Variants in DLG1 observed in about 807,000 individuals in gnomAD.
DLG1 encodes discs large MAGUK scaffold protein 1.
Under a neutral mutation model 123.4 loss-of-function variants are expected in DLG1, and 42 were observed. The observed-to-expected ratio is 0.34, with a 90% CI of 0.27 to 0.44. The LOEUF is 0.44. Among genes scored for constraint, DLG1 ranks in the 20% least tolerant of loss-of-function variants. The pLI is 1.00. For missense variants in DLG1, 942 were observed against 1,082.6 expected (o/e 0.87, Z 1.82); for synonymous variants, 317 against 356.2 (o/e 0.89, Z 1.24).
intron 4 of DLG1, among the ~76,000 whole-genome samples, chr3:197,277,957 T>C (rs572413929): frequency 7.9e-5 from 12 of 151,300 alleles, no homozygotes; most frequent in South Asian, 6.3e-4. Flanking sequence ...CTAGGCAACA[T>C]AGTGAGACCC....
At chr3:197,203,866 A>G (rs966429395) in intron 4 of DLG1, among the ~76,000 whole-genome samples, 2 of 152,228 alleles carry the variant, frequency 1.3e-5, no homozygotes, top group African/African-American at 2.4e-5. Context: ...TGACAACACT[A>G]TAATTAAAAT....
At chr3:197,135,102 T>A (rs1784446520) in intron 10 of DLG1, among the ~76,000 whole-genome samples, 1 of 152,222 alleles carries the variant, frequency 6.6e-6, no homozygotes, top group Non-Finnish European at 1.5e-5. Flanking sequence ...CTCTCGTTCA[T>A]TCTCTGCTTC....
chr3:197,061,150 T>C (rs75749909), intron 22 of DLG1, among the ~76,000 whole-genome samples: 5,625 of 152,270 alleles, frequency 0.037, 165 homozygotes, highest in South Asian at 0.051. Context: ...AGTCAATACA[T>C]GATAATTTCA....
rs1333191303 is a variant in DLG1 at position 197,245,902 on chromosome 3, G to GT, written c.318+36776_318+36777insA. On this transcript the variant is annotated intron_variant, in intron 4 of 24. Coordinates refer to ENST00000667157, the MANE Select transcript of DLG1 (RefSeq NM_001366207.1). The stretch of plus-strand genomic sequence containing the variant: ...CATGGACAATACTTTTTTTTTTTTG[G>GT]GGGGGGGGGAGGTGGCAAATGAAGG... Among the ~76,000 whole-genome samples the GT allele has an allele frequency of 1.5e-5, 2 of 136,660 alleles. 1 individual carries two copies. Among genetic ancestry groups the GT allele is most frequent in the Non-Finnish European group, 3.2e-5 (2 of 63,314 alleles). The allele number at this position is 136,660 out of a possible 152,430, so 89.7% of individuals were successfully genotyped here.
chr3:197,273,398 C>T (rs949399262), intron 4 of DLG1, among the ~76,000 whole-genome samples: 8 of 151,838 alleles, frequency 5.3e-5, no homozygotes, highest in Non-Finnish European at 8.8e-5. Flanking sequence ...CCACAACAAC[C>T]GGCTAATTTT....
chr3:197,184,641 A>G (rs1443020309), intron 5 of DLG1, among the ~76,000 whole-genome samples: 1 of 152,260 alleles, frequency 6.6e-6, no homozygotes, highest in Non-Finnish European at 1.5e-5. Flanking sequence ...AACCTTTATG[A>G]TAAAAAAGAA....
At chr3:197,232,942 A>T (rs922168248) in intron 4 of DLG1, among the ~76,000 whole-genome samples, 1 of 151,030 alleles carries the variant, frequency 6.6e-6, no homozygotes, top group Non-Finnish European at 1.5e-5. Context: ...ACAAAGAAGG[A>T]TTTACACTCT....
At chr3:197,056,031 T>G (rs767960475) in intron 23 of DLG1, among the ~76,000 whole-genome samples, 1 of 152,234 alleles carries the variant, frequency 6.6e-6, no homozygotes, top group Non-Finnish European at 1.5e-5. Flanking sequence ...GCTATGGGAC[T>G]GAGGGTAGAC....
At chr3:197,157,142 A>G (rs1796742108) in intron 5 of DLG1, among the ~76,000 whole-genome samples, 1 of 152,214 alleles carries the variant, frequency 6.6e-6, no homozygotes, top group Non-Finnish European at 1.5e-5. Context: ...ACTTGTACTC[A>G]ACATGACCAC....
intron 4 of DLG1, among the ~76,000 whole-genome samples, chr3:197,272,223 A>G (rs1764201673): frequency 6.6e-6 from 1 of 152,142 alleles, no homozygotes; most frequent in Non-Finnish European, 1.5e-5. Flanking sequence ...ACAGTGGCTC[A>G]CGCCTATAAA....
intron 23 of DLG1, among the ~76,000 whole-genome samples, chr3:197,054,207 G>A (rs1270584041): frequency 1.3e-5 from 2 of 152,200 alleles, no homozygotes; most frequent in African/African-American, 4.8e-5. Context: ...TGATTATAAT[G>A]TGCCGCAGTG....
intron 13 of DLG1, among the ~76,000 whole-genome samples, chr3:197,107,747 T>C (rs1767412496): frequency 6.6e-6 from 1 of 152,114 alleles, no homozygotes; most frequent in Non-Finnish European, 1.5e-5. Context: ...ATTTTTTCTA[T>C]ACAAGATTAT....
chr3:197,064,002 C>T (rs1328662901), intron 22 of DLG1, among the ~76,000 whole-genome samples: 2 of 148,076 alleles, frequency 1.4e-5, no homozygotes, highest in African/African-American at 2.5e-5. Context: ...GGTTTTGGCT[C>T]ACTGCAATCT....
At chr3:197,062,776 T>C (rs1578348870) in intron 22 of DLG1, among the ~76,000 whole-genome samples, 1 of 152,210 alleles carries the variant, frequency 6.6e-6, no homozygotes, top group East Asian at 1.9e-4. Flanking sequence ...TTAGGTCTTC[T>C]TAGTGGATAA....
chr3:197,277,202 A>C (rs995415490), intron 4 of DLG1, among the ~76,000 whole-genome samples: 1 of 147,476 alleles, frequency 6.8e-6, no homozygotes, highest in Non-Finnish European at 1.5e-5. Context: ...CCAAAATCTT[A>C]CTTTTATGGT....
chr3:197,084,881 A>T (rs566890110), intron 16 of DLG1, among the ~76,000 whole-genome samples: 1 of 151,072 alleles, frequency 6.6e-6, no homozygotes, highest in African/African-American at 2.4e-5. Context: ...CGGCCTCCTG[A>T]GTTCAAGCAA....
chr3:197,226,084 T>C (rs139272143), intron 4 of DLG1: 6 of 152,484 alleles, frequency 3.9e-5, no homozygotes, highest in African/African-American at 1.2e-4. Context: ...TTAAAAAAAA[T>C]TGTATTAAAA....
At chr3:197,164,256 G>C (rs962182203) in intron 5 of DLG1, among the ~76,000 whole-genome samples, 1 of 151,948 alleles carries the variant, frequency 6.6e-6, no homozygotes, top group South Asian at 2.1e-4. Flanking sequence ...AATTAGCCGG[G>C]TGTGGTGGCC....
At chr3:197,147,341 C>A (rs1291089039) in intron 6 of DLG1, among the ~76,000 whole-genome samples, 1 of 151,936 alleles carries the variant, frequency 6.6e-6, no homozygotes, top group Non-Finnish European at 1.5e-5. Flanking sequence ...CTTGCACATG[C>A]ATGTTTATAG....
Sources: allele counts gnomAD v4.1 joint callset (sites outside exome capture counted in the v4.1 genomes callset), GRCh38; gene constraint gnomAD v4.1.1; transcripts MANE v1.5; gene names NCBI Gene and HGNC (gene_info 2026-07-23, HGNC 2026-07-21).